CHLSN: variants seen among roughly 807,000 people sequenced by gnomAD.
CHLSN encodes the protein cholesin.
At chr7:1,060,953 C>A in the CHLSN span, among the ~76,000 whole-genome samples, 353 of 152,260 alleles carry the variant, frequency 2.3e-3, 1 homozygote, top group African/African-American at 8.3e-3. Flanking sequence ...CCCCTGCAGC[C>A]CAGCTCTGCA....
the CHLSN span, among the ~76,000 whole-genome samples, chr7:1,125,628 T>C: frequency 2.6e-5 from 4 of 152,254 alleles, no homozygotes; most frequent in African/African-American, 9.6e-5. Context: ...ACACTACTCT[T>C]GTTCCCATTT....
the CHLSN span, among the ~76,000 whole-genome samples, chr7:1,039,196 A>G: frequency 9.8e-4 from 18 of 18,280 alleles, no homozygotes; most frequent in Admixed American, 2.4e-3. Context: ...TGGGGGTGTC[A>G]GCCCCCCGCC....
At chr7:1,127,496 G>A in the CHLSN span, 17 of 1,008,708 alleles carry the variant, frequency 1.7e-5, no homozygotes, top group Non-Finnish European at 2.4e-5. Flanking sequence ...AAAAAAAAGA[G>A]TATTATGGAA....
chr7:1,092,885 G>T, the CHLSN span: 138 of 1,597,288 alleles, frequency 8.6e-5, no homozygotes, highest in Admixed American at 1.9e-4. Flanking sequence ...GCCCAGCCAG[G>T]GTGTGACTCG....
the CHLSN span, among the ~76,000 whole-genome samples, chr7:1,090,839 C>A: frequency 6.6e-6 from 1 of 152,168 alleles, no homozygotes; most frequent in Non-Finnish European, 1.5e-5. Context: ...AAACAATGAC[C>A]CCTTTCACTC....
chr7:1,084,480 G>A, the CHLSN span, among the ~76,000 whole-genome samples: 13 of 152,336 alleles, frequency 8.5e-5, no homozygotes, highest in South Asian at 1.2e-3. Flanking sequence ...GATCCGGCGC[G>A]TGGTACTGTG....
At chr7:1,006,873 C>G in the CHLSN span, among the ~76,000 whole-genome samples, 1 of 152,212 alleles carries the variant, frequency 6.6e-6, no homozygotes, top group Non-Finnish European at 1.5e-5. Flanking sequence ...TCCCACCAGC[C>G]CCAGCTTCAC....
the CHLSN span, chr7:984,582 T>A: frequency 6.4e-7 from 1 of 1,559,044 alleles, no homozygotes; most frequent in South Asian, 1.2e-5. Context: ...GAGGTCGGTG[T>A]GTGGCCGGCG....
chr7:1,064,982 A>G, the CHLSN span, among the ~76,000 whole-genome samples: 1 of 152,272 alleles, frequency 6.6e-6, no homozygotes, highest in Non-Finnish European at 1.5e-5. Flanking sequence ...GAGAAAAGAC[A>G]GCGTTCCCCG....
the CHLSN span, among the ~76,000 whole-genome samples, chr7:1,136,343 T>TATAAATATATAAAC: frequency 1.2e-5 from 1 of 85,518 alleles, no homozygotes. Flanking sequence ...TATATAAACA[T>TATAAATATATAAAC]ATAAATATAT....
At chr7:1,015,254 C>T in the CHLSN span, among the ~76,000 whole-genome samples, 1 of 152,104 alleles carries the variant, frequency 6.6e-6, no homozygotes. Context: ...CGTGGCCTCC[C>T]TGTCCCTGAG....
At chr7:986,807 G>A in the CHLSN span, 1 of 1,531,674 alleles carries the variant, frequency 6.5e-7, no homozygotes, top group Non-Finnish European at 8.8e-7. Context: ...GGTGTGTCGG[G>A]ACCCAAGACC....
At chr7:1,096,504 C>T in the CHLSN span, among the ~76,000 whole-genome samples, 2 of 152,176 alleles carry the variant, frequency 1.3e-5, no homozygotes, top group East Asian at 1.9e-4. This position sits in a 1 kb window ranked among gnomAD's most constrained non-coding sequence, Gnocchi z 4.6. Context: ...GTGCCGCCGG[C>T]GCAGCCACAC....
the CHLSN span, among the ~76,000 whole-genome samples, chr7:1,005,240 G>C: frequency 1.3e-5 from 2 of 152,190 alleles, no homozygotes; most frequent in African/African-American, 4.8e-5. Flanking sequence ...GCAGTGAGCC[G>C]AGATTGCACC....
the CHLSN span, among the ~76,000 whole-genome samples, chr7:994,743 T>C: frequency 4.6e-5 from 7 of 152,284 alleles, no homozygotes; most frequent in African/African-American, 1.7e-4. Flanking sequence ...CCGGCATGAG[T>C]TATCAGTGTG....
the CHLSN span, chr7:987,638 G>A: frequency 8.8e-7 from 1 of 1,134,056 alleles, no homozygotes. Flanking sequence ...TGATGGCCCA[G>A]CGCTCCCCGA....
At chr7:1,132,134 A>T in the CHLSN span, among the ~76,000 whole-genome samples, 1 of 152,250 alleles carries the variant, frequency 6.6e-6, no homozygotes, top group Non-Finnish European at 1.5e-5. Flanking sequence ...AATCTTCATG[A>T]CCTTGGATTA....
chr7:1,016,786 CACACA>C, the CHLSN span, among the ~76,000 whole-genome samples: 2 of 117,662 alleles, frequency 1.7e-5, 1 homozygote, highest in Non-Finnish European at 3.4e-5. Context: ...CAGCGCACAG[CACACA>C]GCAGCACACA....
At chr7:1,065,870 A>T in the CHLSN span, among the ~76,000 whole-genome samples, 1 of 152,196 alleles carries the variant, frequency 6.6e-6, no homozygotes, top group Non-Finnish European at 1.5e-5. Context: ...ATACTCCGCG[A>T]TCCAAAGGCA....
Sources: allele counts gnomAD v4.1 joint callset (sites outside exome capture counted in the v4.1 genomes callset), GRCh38; gene constraint gnomAD v4.1.1; non-coding constraint Gnocchi (gnomAD v3.1); transcripts MANE v1.5; gene names NCBI Gene and HGNC (gene_info 2026-07-23, HGNC 2026-07-21).